Variants in MAST4 observed in about 807,000 individuals in gnomAD.
MAST4 encodes microtubule associated serine/threonine kinase family member 4.
A neutral mutation model predicts 162.7 loss-of-function variants in MAST4; 89 were observed. The observed-to-expected ratio is 0.55, with a 90% CI of 0.46 to 0.65. The LOEUF (loss-of-function observed/expected upper bound fraction) is 0.65, where lower values mean the gene tolerates loss of function less well. MAST4 is among the 30% of genes least tolerant of loss of function. The probability of loss-of-function intolerance (pLI) is 0.00; values close to 1 mark genes in which losing one functional copy is unlikely to be tolerated. For missense variants in MAST4, 3,153 were observed against 3,374.0 expected, an observed-to-expected ratio of 0.93 and a Z score of 1.62; for synonymous variants, 1,479 against 1,361.1, an observed-to-expected ratio of 1.09 and a Z score of -1.91.
chr5:66,710,692 C>T (rs757196803), intron 1 of MAST4, among the ~76,000 whole-genome samples: 1 of 152,144 alleles, frequency 6.6e-6, no homozygotes, highest in Non-Finnish European at 1.5e-5. Context: ...AATTCTTTCT[C>T]TTGTGGACCC....
intron 23 of MAST4, among the ~76,000 whole-genome samples, chr5:67,148,535 G>A (rs546500887): frequency 2.6e-5 from 4 of 152,142 alleles, no homozygotes; most frequent in East Asian, 3.9e-4. Flanking sequence ...CCTCTCTTAC[G>A]CTCCGTTGTT....
chr5:66,687,456 T>C (rs1240818998), intron 1 of MAST4, among the ~76,000 whole-genome samples: 2 of 151,292 alleles, frequency 1.3e-5, no homozygotes, highest in Middle Eastern at 3.2e-3. Context: ...ATACACGTAT[T>C]CCATAGTATA....
At chr5:66,758,208 A>T (rs1049734985) in intron 1 of MAST4, among the ~76,000 whole-genome samples, 1 of 152,018 alleles carries the variant, frequency 6.6e-6, no homozygotes, top group East Asian at 1.9e-4. Flanking sequence ...ACTTACAGAG[A>T]AGTGCTTGAA....
intron 1 of MAST4, among the ~76,000 whole-genome samples, chr5:66,749,284 G>T (rs912842926): frequency 6.6e-6 from 1 of 152,056 alleles, no homozygotes; most frequent in African/African-American, 2.4e-5. Flanking sequence ...CATGACATTG[G>T]GATTCTGTTC....
chr5:66,720,958 A>T (rs927024096), intron 1 of MAST4, among the ~76,000 whole-genome samples: 1 of 151,616 alleles, frequency 6.6e-6, no homozygotes. Context: ...CAGCATCGCC[A>T]CTCCCACTCT....
intron 1 of MAST4, among the ~76,000 whole-genome samples, chr5:66,747,644 G>A (rs1021078364): frequency 6.6e-6 from 1 of 152,134 alleles, no homozygotes; most frequent in African/African-American, 2.4e-5. Context: ...CTTTTAGGAT[G>A]ACCTACAACC....
At chr5:66,612,485 G>C (rs988744882) in intron 1 of MAST4, among the ~76,000 whole-genome samples, 5 of 152,166 alleles carry the variant, frequency 3.3e-5, no homozygotes, top group Admixed American at 3.3e-4. Context: ...AACTCTACAG[G>C]TATTGAACCT....
intron 3 of MAST4, among the ~76,000 whole-genome samples, chr5:66,851,734 G>A (rs931060918): frequency 4.6e-5 from 7 of 152,126 alleles, no homozygotes; most frequent in South Asian, 2.1e-4. Flanking sequence ...TTGTATCAGC[G>A]TTTCCTTGGT....
At chr5:66,897,025 A>G (rs1161053284) in intron 3 of MAST4, among the ~76,000 whole-genome samples, 2 of 152,238 alleles carry the variant, frequency 1.3e-5, no homozygotes, top group African/African-American at 2.4e-5. Flanking sequence ...GATAAACAGC[A>G]ACTCTAAAAA....
intron 5 of MAST4, among the ~76,000 whole-genome samples, chr5:67,079,309 A>T (rs1219766325): frequency 6.6e-6 from 1 of 152,186 alleles, no homozygotes; most frequent in African/African-American, 2.4e-5. Flanking sequence ...ATGGGCTAAC[A>T]CAGAAAGTTA....
At chr5:66,791,923 C>T (rs1373825451) in intron 3 of MAST4, among the ~76,000 whole-genome samples, 4 of 152,134 alleles carry the variant, frequency 2.6e-5, no homozygotes, top group African/African-American at 9.7e-5. Context: ...CTGCCATGTG[C>T]CCAGATTTGG....
intron 7 of MAST4, among the ~76,000 whole-genome samples, chr5:67,097,773 T>C (rs1040361888): frequency 1.3e-5 from 2 of 152,128 alleles, no homozygotes; most frequent in African/African-American, 4.8e-5. Flanking sequence ...GAATTACTCC[T>C]TTTGCCAATA....
chr5:66,800,289 T>C (rs1159652795), intron 3 of MAST4, among the ~76,000 whole-genome samples: 1 of 152,146 alleles, frequency 6.6e-6, no homozygotes, highest in African/African-American at 2.4e-5. Context: ...AAAAAGGCAT[T>C]CTTTTAGTTA....
chr5:67,168,257 C>A lies in MAST4; in HGVS notation c.*1206C>A, dbSNP rs1251205515. On this transcript the variant is annotated 3_prime_UTR_variant, in exon 29 of 29. Coordinates refer to ENST00000403625, the MANE Select transcript of MAST4 (RefSeq NM_001164664.2). ...TGAAGCTTGCTGTTTTTAGCAAGTT[C>A]CTGGGTTTCACATTCATTTCTGCTG... The A allele has an allele frequency of 6.6e-6, 1 of 151,802 alleles. No individual in the cohort carries two copies. The highest frequency in any genetic ancestry group is 1.5e-5 in the Non-Finnish European group (1 of 67,978). The allele number at this position is 151,802 out of a possible 1,614,324, so 9.4% of individuals were successfully genotyped here. A position where few individuals can be genotyped will look rare whatever the true frequency, so the allele number is the denominator to read the frequency against.
chr5:66,761,587 G>C (rs1753852313), intron 2 of MAST4, among the ~76,000 whole-genome samples: 1 of 151,176 alleles, frequency 6.6e-6, no homozygotes, highest in Admixed American at 6.6e-5. Context: ...GAGAACTATG[G>C]ATTTTGACGT....
chr5:66,917,193 C>G, intron 4 of MAST4: 1 of 532,854 alleles, frequency 1.9e-6, no homozygotes. Flanking sequence ...TCCTTCACTA[C>G]CACTGATGTT....
intron 3 of MAST4, among the ~76,000 whole-genome samples, chr5:66,816,297 C>A (rs1371008770): frequency 1.3e-5 from 2 of 151,860 alleles, no homozygotes; most frequent in African/African-American, 4.8e-5. Flanking sequence ...GACAATTCTT[C>A]TTCCGATGTG....
chr5:67,030,808 T>C (rs1755216785), intron 4 of MAST4, among the ~76,000 whole-genome samples: 1 of 152,166 alleles, frequency 6.6e-6, no homozygotes, highest in African/African-American at 2.4e-5. Flanking sequence ...AAGCCTTGGG[T>C]ATCTCAAACG....
intron 1 of MAST4, among the ~76,000 whole-genome samples, chr5:66,612,512 C>G (rs1554035084): frequency 6.6e-6 from 1 of 151,978 alleles, no homozygotes; most frequent in Non-Finnish European, 1.5e-5. Context: ...TTGCAAAGGG[C>G]GTAGGAGTTG....
Sources: allele counts gnomAD v4.1 joint callset (sites outside exome capture counted in the v4.1 genomes callset), GRCh38; gene constraint gnomAD v4.1.1; transcripts MANE v1.5; gene names NCBI Gene and HGNC (gene_info 2026-07-23, HGNC 2026-07-21).